The following SKI variants were observed in gnomAD, a reference collection of about 807,000 sequenced individuals.
SKI encodes ski oncogene.
In SKI, 23 loss-of-function variants were observed where a neutral mutation model predicts 59.3. The ratio of observed to expected loss-of-function variants is 0.39; its 90% confidence interval spans 0.28 to 0.55. The LOEUF is 0.55. Among genes scored for constraint, SKI ranks in the 20% least tolerant of loss-of-function variants. SKI has a pLI of 0.67. For missense variants in SKI, 1,017 were observed against 1,038.9 expected (o/e 0.98, Z 0.29); for synonymous variants, 673 against 488.6 (o/e 1.38, Z -4.98).
chr1:2,276,404 C>T (rs778645619), intron 1 of SKI, among the ~76,000 whole-genome samples: 59 of 152,184 alleles, frequency 3.9e-4, no homozygotes, highest in Non-Finnish European at 7.1e-4. Context: ...CCAGGGAGTT[C>T]AGCAAGCCGG....
Position 2,240,747 on chromosome 1 carries a change from C to T in SKI, c.969+11012C>T, listed in dbSNP as rs545779942. ...CGGTGGCGCAGACACGGACTTCACC[C>T]TTGGTGGGAGGGGAGAAGCACAGCA... On this transcript the variant is annotated intron_variant, in intron 1 of 6. Transcript: ENST00000378536. The T allele has an allele frequency of 3.0e-6, 3 of 985,428 alleles. No individual in the cohort carries two copies. The African/African-American group carries it at 5.2e-5, about 17-fold the overall frequency. The allele number at this position is 985,428 out of a possible 1,614,324, so 61.0% of individuals were successfully genotyped here. A position where few individuals can be genotyped will look rare whatever the true frequency, so the allele number is the denominator to read the frequency against.
At chr1:2,304,175 G>A (rs1350144514) in intron 4 of SKI, 73 bp downstream of exon 4, 12 of 1,588,970 alleles carry the variant, frequency 7.6e-6, no homozygotes, top group East Asian at 2.3e-5. Context: ...GGGGCTGGTC[G>A]CCGGGGGTGC....
At chr1:2,283,871 G>A (rs995214138) in intron 1 of SKI, among the ~76,000 whole-genome samples, 1 of 152,230 alleles carries the variant, frequency 6.6e-6, no homozygotes, top group Middle Eastern at 3.2e-3. Flanking sequence ...TGGAGGAGGC[G>A]GGAGGCCGAG....
rs1640523790 is a variant in SKI, at chr1:2,304,688, C to G, written c.1767+103C>G. On this transcript the variant is annotated intron_variant, in intron 5 of 6. Coordinates refer to ENST00000378536, the MANE Select transcript of SKI (RefSeq NM_003036.4). ...TGGTGCCTCCTCCCTTCCTGGCTGC[C>G]CCATGCGCTCCTCTCTGCCTCCACC... 7.6e-6 allele frequency: 11 copies of G among 1,445,688 alleles called. No homozygotes were observed. The South Asian group carries it at 1.6e-4, about 21-fold the overall frequency. The allele number at this position is 1,445,688 out of a possible 1,614,324, so 89.6% of individuals were successfully genotyped here.
intron 1 of SKI, among the ~76,000 whole-genome samples, chr1:2,293,915 G>GCCA (rs1218797340): frequency 2.0e-5 from 3 of 152,204 alleles, no homozygotes; most frequent in Non-Finnish European, 4.4e-5. Context: ...TGGTCACCGC[G>GCCA]CCACCATGGG....
At chr1:2,240,667 G>A in intron 1 of SKI, 2 of 985,424 alleles carry the variant, frequency 2.0e-6, no homozygotes, top group Non-Finnish European at 2.4e-6. Flanking sequence ...ATTCTTCGAA[G>A]TGAAGCTCTC....
At chr1:2,298,975 T>TG (rs1263975438) in intron 1 of SKI, among the ~76,000 whole-genome samples, 1 of 152,190 alleles carries the variant, frequency 6.6e-6, no homozygotes, top group African/African-American at 2.4e-5. Flanking sequence ...CCTTGCCTGC[T>TG]GGTGCCTGTG....
intron 1 of SKI, among the ~76,000 whole-genome samples, chr1:2,288,731 G>A (rs2100889686): frequency 6.6e-6 from 1 of 152,326 alleles, no homozygotes. Context: ...CTAGCCTGAG[G>A]TGGGCTGTTG....
At position 2,309,936 on chromosome 1, in the gene SKI, A is replaced by AT. The variant is rs1206762465; in HGVS notation, c.*3171_*3172insT. ...CGCTTTAAGTCAGGAGTCACAAATG[A>AT]CTTTTTTTTTTCAATTAAGGAAAAA... On this transcript the variant is annotated 3_prime_UTR_variant, in exon 7 of 7. Coordinates refer to ENST00000378536, the MANE Select transcript of SKI (RefSeq NM_003036.4). The AT allele has an allele frequency of 1.4e-4, 3 of 21,984 alleles. No homozygotes were observed. The highest frequency in any genetic ancestry group is 2.9e-4 in the Non-Finnish European group (3 of 10,512). The allele number at this position is 21,984 out of a possible 1,614,324, so 1.4% of individuals were successfully genotyped here.
At chr1:2,291,280 C>G (rs776328359) in intron 1 of SKI, among the ~76,000 whole-genome samples, 2 of 152,250 alleles carry the variant, frequency 1.3e-5, no homozygotes. Context: ...TTTTCGGATT[C>G]CGAAAGTGAG....
chr1:2,255,362 G>C (rs950640353), intron 1 of SKI, among the ~76,000 whole-genome samples: 5 of 152,218 alleles, frequency 3.3e-5, no homozygotes, highest in Non-Finnish European at 7.3e-5. Context: ...CTATCCTTTG[G>C]CTGATTAATA....
intron 1 of SKI, among the ~76,000 whole-genome samples, chr1:2,252,957 G>A (rs1178683216): frequency 2.0e-5 from 3 of 152,032 alleles, no homozygotes; most frequent in Admixed American, 6.6e-5. Context: ...TTAGCCGGGC[G>A]TGGTTGCAGG....
intron 1 of SKI, among the ~76,000 whole-genome samples, chr1:2,264,056 C>T (rs965592997): frequency 1.2e-4 from 18 of 151,878 alleles, no homozygotes; most frequent in Admixed American, 8.5e-4. Context: ...AAAACCTACT[C>T]GGACCCAGAG....
intron 1 of SKI, among the ~76,000 whole-genome samples, chr1:2,254,580 C>T (rs1557822545): frequency 6.6e-6 from 1 of 152,330 alleles, no homozygotes; most frequent in Middle Eastern, 3.4e-3. Context: ...TGTGCAGTGA[C>T]CGGTCTACCT....
At chr1:2,280,669 G>T (rs866769847) in intron 1 of SKI, among the ~76,000 whole-genome samples, 3 of 103,952 alleles carry the variant, frequency 2.9e-5, no homozygotes, top group South Asian at 3.8e-4. Context: ...GAAGACAGGC[G>T]GCGGCGGCGA....
chr1:2,244,827 A>C (rs1638957847), intron 1 of SKI, among the ~76,000 whole-genome samples: 1 of 152,230 alleles, frequency 6.6e-6, no homozygotes, highest in African/African-American at 2.4e-5. Context: ...GAAGGAATGG[A>C]AAAAGACATC....
intron 1 of SKI, among the ~76,000 whole-genome samples, chr1:2,255,439 C>T (rs1309942767): frequency 2.0e-5 from 3 of 152,238 alleles, no homozygotes; most frequent in South Asian, 2.1e-4. Context: ...CATTTCCTGT[C>T]TGGAGCACAC....
intron 1 of SKI, chr1:2,240,533 G>A (rs925785867): frequency 5.1e-6 from 5 of 985,330 alleles, no homozygotes; most frequent in East Asian, 1.1e-4. Context: ...GCAAGGCTGC[G>A]GGACTGGGAC....
At chr1:2,233,644 CT>C (rs1250669194) in intron 1 of SKI, among the ~76,000 whole-genome samples, 2 of 152,252 alleles carry the variant, frequency 1.3e-5, no homozygotes, top group South Asian at 4.1e-4. Context: ...AAGGCTGCCC[CT>C]GGCCCCAGGC....
Sources: gnomAD v4.1 joint callset for allele counts (sites outside exome capture counted in the v4.1 genomes callset) on GRCh38, gnomAD v4.1.1 for gene constraint, MANE v1.5 for transcripts, NCBI Gene and HGNC (gene_info 2026-07-23, HGNC 2026-07-21) for gene names.